The following PPP2R3A variants were observed in gnomAD, a reference collection of about 807,000 sequenced individuals.
The protein encoded by PPP2R3A is serine/threonine-protein phosphatase 2A regulatory subunit B'' subunit alpha.
Under a neutral mutation model 106.9 loss-of-function variants are expected in PPP2R3A, and 80 were observed. The observed-to-expected ratio is 0.75, with a 90% CI of 0.62 to 0.90. The LOEUF is 0.90. PPP2R3A is among the 40% of genes least tolerant of loss of function. The pLI, the probability that PPP2R3A is intolerant of heterozygous loss-of-function variation, is 0.00. For synonymous variants in PPP2R3A, 483 were observed against 468.3 expected (o/e 1.03, Z -0.41); for missense variants, 1,386 against 1,350.4 (o/e 1.03, Z -0.41).
At chr3:136,045,808 G>C (rs972391320) in intron 4 of PPP2R3A, among the ~76,000 whole-genome samples, 2 of 152,096 alleles carry the variant, frequency 1.3e-5, no homozygotes, top group African/African-American at 4.8e-5. Flanking sequence ...CATCTCCCAG[G>C]TTACAGCTTG....
intron 8 of PPP2R3A, among the ~76,000 whole-genome samples, chr3:136,083,873 G>A (rs913651155): frequency 1.3e-5 from 2 of 152,362 alleles, no homozygotes; most frequent in South Asian, 4.1e-4. Flanking sequence ...CCCTGCCCTA[G>A]AGATCTGTGG....
chr3:136,144,997 CTT>C (rs752971252), intron 13 of PPP2R3A, 44 bp from the exon 14 acceptor site: 1 of 1,586,354 alleles, frequency 6.3e-7, no homozygotes, highest in South Asian at 1.1e-5. Flanking sequence ...TCTACCCAAA[CTT>C]TAATCAATCA....
At chr3:136,113,999 C>T (rs1937645025) in intron 13 of PPP2R3A, among the ~76,000 whole-genome samples, 1 of 152,002 alleles carries the variant, frequency 6.6e-6, no homozygotes, top group East Asian at 1.9e-4. Flanking sequence ...GGAGTAGCTC[C>T]AGTCTGCAGC....
intron 1 of PPP2R3A, among the ~76,000 whole-genome samples, chr3:135,994,600 T>C (rs1468556130): frequency 1.3e-5 from 2 of 152,206 alleles, no homozygotes; most frequent in African/African-American, 4.8e-5. Context: ...TCATTTACCA[T>C]TCCTACTTCT....
intron 13 of PPP2R3A, among the ~76,000 whole-genome samples, chr3:136,141,120 T>C (rs1328019613): frequency 6.6e-6 from 1 of 152,044 alleles, no homozygotes; most frequent in Non-Finnish European, 1.5e-5. Flanking sequence ...TACAATCAAG[T>C]GAGGAACAGA....
intron 13 of PPP2R3A, among the ~76,000 whole-genome samples, chr3:136,128,970 T>G (rs951543126): frequency 6.6e-6 from 1 of 152,086 alleles, no homozygotes; most frequent in African/African-American, 2.4e-5. Context: ...TTGAAACCAA[T>G]GAGAACAAAG....
At chr3:136,142,556 C>T (rs2108039033) in intron 13 of PPP2R3A, among the ~76,000 whole-genome samples, 1 of 152,312 alleles carries the variant, frequency 6.6e-6, no homozygotes, top group East Asian at 1.9e-4. Flanking sequence ...TGCCCAAAAT[C>T]ACATTAAGTG....
At chr3:136,048,411 G>A (rs1472653843) in intron 4 of PPP2R3A, among the ~76,000 whole-genome samples, 2 of 152,172 alleles carry the variant, frequency 1.3e-5, no homozygotes, top group South Asian at 2.1e-4. Context: ...CGTGGCTCAC[G>A]CCTGTAATCC....
At chr3:135,977,862 G>C (rs567763928) in intron 1 of PPP2R3A, among the ~76,000 whole-genome samples, 2 of 151,528 alleles carry the variant, frequency 1.3e-5, no homozygotes, top group African/African-American at 4.9e-5. Flanking sequence ...ACCACTGCCC[G>C]GCTAATATTT....
intron 5 of PPP2R3A, among the ~76,000 whole-genome samples, chr3:136,050,258 G>T (rs1935637914): frequency 6.6e-6 from 1 of 152,130 alleles, no homozygotes; most frequent in Non-Finnish European, 1.5e-5. Flanking sequence ...TCTGTGTGTT[G>T]TATATCCATA....
chr3:136,024,487 G>A (rs1032867518), intron 2 of PPP2R3A, among the ~76,000 whole-genome samples: 7 of 152,218 alleles, frequency 4.6e-5, no homozygotes, highest in Admixed American at 1.3e-4. Context: ...TCTGTGTTAA[G>A]TACACTAAGA....
rs748200293 is a variant in PPP2R3A at position 136,040,960 on chromosome 3, AAAGT to A, written c.2366+4_2366+7del. The A allele has an allele frequency of 1.9e-6, 3 of 1,612,568 alleles. No homozygotes were observed. The highest frequency in any genetic ancestry group is 1.7e-5 in the Admixed American group (1 of 59,926). The stretch of plus-strand genomic sequence containing the variant: ...CACAGTCATTCATTGCCATGTGGAG[AAAGT>A]AAGTATGTGAGCAGTCTCTCTGGAG... On this transcript the variant is annotated splice_donor_variant and coding_sequence_variant, in exon 4 of 14. Coordinates refer to ENST00000264977, the MANE Select transcript of PPP2R3A (RefSeq NM_002718.5). LOFTEE classifies it high-confidence loss of function.
At chr3:136,130,951 C>A (rs985664009) in intron 13 of PPP2R3A, among the ~76,000 whole-genome samples, 2 of 152,110 alleles carry the variant, frequency 1.3e-5, no homozygotes, top group Non-Finnish European at 2.9e-5. Flanking sequence ...AATTGGCTAG[C>A]CATATGCAGA....
chr3:136,057,742 A>G (rs1449447269), intron 5 of PPP2R3A, among the ~76,000 whole-genome samples: 1 of 152,178 alleles, frequency 6.6e-6, no homozygotes, highest in Non-Finnish European at 1.5e-5. Context: ...TAAAACCACA[A>G]TGAAAGATCA....
chr3:136,086,321 A>T (rs1368278531), intron 8 of PPP2R3A, among the ~76,000 whole-genome samples: 1 of 152,082 alleles, frequency 6.6e-6, no homozygotes, highest in Non-Finnish European at 1.5e-5. Context: ...ATCTCTACTA[A>T]AAATACAAAA....
At chr3:135,976,073 T>C (rs1016031223) in intron 1 of PPP2R3A, among the ~76,000 whole-genome samples, 3 of 152,224 alleles carry the variant, frequency 2.0e-5, no homozygotes, top group Admixed American at 2.0e-4. Flanking sequence ...TTGGGTTGCA[T>C]AGCAGAGACT....
intron 2 of PPP2R3A, among the ~76,000 whole-genome samples, chr3:136,023,557 A>G (rs536557251): frequency 9.2e-5 from 14 of 152,304 alleles, no homozygotes; most frequent in African/African-American, 3.1e-4. Flanking sequence ...TTGAGAAACT[A>G]GAATTTCTGT....
intron 4 of PPP2R3A, among the ~76,000 whole-genome samples, chr3:136,048,921 G>A (rs1382373281): frequency 6.6e-6 from 1 of 152,098 alleles, no homozygotes; most frequent in Admixed American, 6.6e-5. Flanking sequence ...GAACCATTGG[G>A]TGCTTGGAAT....
intron 13 of PPP2R3A, among the ~76,000 whole-genome samples, chr3:136,140,460 A>C (rs1413583818): frequency 2.0e-5 from 3 of 150,770 alleles, no homozygotes; most frequent in Admixed American, 6.6e-5. Context: ...AAAAAAAAAA[A>C]AAAACCCGGG....
Sources: allele counts gnomAD v4.1 joint callset (sites outside exome capture counted in the v4.1 genomes callset), GRCh38; gene constraint gnomAD v4.1.1; transcripts MANE v1.5; gene names NCBI Gene and HGNC (gene_info 2026-07-23, HGNC 2026-07-21).